CCDC138: variants seen among roughly 807,000 people sequenced by gnomAD.
CCDC138 encodes the protein coiled-coil domain-containing protein 138.
In CCDC138, 66 loss-of-function variants were observed where a neutral mutation model predicts 82.3. That is an observed-to-expected ratio of 0.80 (90% confidence interval 0.66 to 0.98). The LOEUF (loss-of-function observed/expected upper bound fraction) is 0.98. Ranked by LOEUF, CCDC138 falls within the 50% of genes least tolerant of loss-of-function variation. The pLI, the probability that CCDC138 is intolerant of heterozygous loss-of-function variation, is 0.00. For synonymous variants in CCDC138, 297 were observed against 265.4 expected (o/e 1.12, Z -1.16); for missense variants, 816 against 758.9 (o/e 1.08, Z -0.88).
intron 2 of CCDC138, chr2:108,882,812 G>T (rs1696328506): frequency 6.6e-6 from 1 of 152,156 alleles, no homozygotes; most frequent in Non-Finnish European, 1.5e-5. Context: ...GAGAGTGTCA[G>T]TCTTCCCTAG....
Position 108,846,750 on chromosome 2 carries a change from A to T in CCDC138, c.1336A>T (p.Thr446Ser). 6.2e-7 allele frequency: 1 copy of T among 1,608,866 alleles called. No individual in the cohort carries two copies. Among genetic ancestry groups the T allele is most frequent in the Non-Finnish European group, 8.5e-7 (1 of 1,177,920 alleles). The part of the protein sequence containing the change: ...LDAGAQHSTM[T>S]STLRRLGEDI... ...ATATTTTTAACAGCACTCGACTATG[A>T]CATCAACATTGAGGAGATTGGGTGA... Residue 446 changes from threonine to serine, a missense_variant, in exon 12 of 15, where the codon ACA (threonine) becomes TCA (serine). Transcript: ENST00000295124.
chr2:108,819,905 A>G (rs1376517778), intron 10 of CCDC138, among the ~76,000 whole-genome samples: 1 of 152,232 alleles, frequency 6.6e-6, no homozygotes, highest in Admixed American at 6.5e-5. Context: ...TGTAACCGAT[A>G]ATTTAAAAAT....
At chr2:108,813,049 AC>A in intron 9 of CCDC138, 122 bp downstream of exon 9, 1 of 707,368 alleles carries the variant, frequency 1.4e-6, no homozygotes, top group Non-Finnish European at 2.3e-6. Context: ...GGAGATCGAG[AC>A]CATCCTGGCC....
intron 10 of CCDC138, among the ~76,000 whole-genome samples, chr2:108,821,115 T>C (rs1685620203): frequency 6.6e-6 from 1 of 152,190 alleles, no homozygotes; most frequent in Admixed American, 6.5e-5. Flanking sequence ...CCTAGCACTT[T>C]AGGAGGCTAA....
At chr2:108,856,265 A>G (rs941889184) in intron 12 of CCDC138, among the ~76,000 whole-genome samples, 1 of 149,594 alleles carries the variant, frequency 6.7e-6, no homozygotes, top group Non-Finnish European at 1.5e-5. Context: ...ATGTATCATG[A>G]AAACTGACAC....
At chr2:108,841,798 T>G (rs1402464996) in intron 11 of CCDC138, among the ~76,000 whole-genome samples, 1 of 152,134 alleles carries the variant, frequency 6.6e-6, no homozygotes, top group African/African-American at 2.4e-5. Context: ...GTGGTTCTTT[T>G]TGTTTCTCTT....
chr2:108,828,069 A>G (rs1019035135), intron 10 of CCDC138, among the ~76,000 whole-genome samples: 3 of 152,150 alleles, frequency 2.0e-5, no homozygotes, highest in African/African-American at 7.2e-5. Context: ...AAATCAATGG[A>G]GGAAAATAGG....
intron 7 of CCDC138, among the ~76,000 whole-genome samples, chr2:108,808,363 T>C (rs1372700770): frequency 6.6e-6 from 1 of 152,220 alleles, no homozygotes; most frequent in East Asian, 1.9e-4. Context: ...TTCTCTCCTG[T>C]GAATATATAC....
At chr2:108,829,471 CAT>C (rs1315303006) in intron 10 of CCDC138, among the ~76,000 whole-genome samples, 4 of 152,184 alleles carry the variant, frequency 2.6e-5, no homozygotes, top group Admixed American at 6.5e-5. Context: ...AAAAAATAAA[CAT>C]GGTGGCCCAT....
Position 108,805,076 on chromosome 2 carries a change from T to C in CCDC138, c.855+68T>C, listed in dbSNP as rs1682638847. The C allele has an allele frequency of 3.4e-6, 3 of 883,946 alleles. No individual in the cohort carries two copies. The East Asian group carries it at 9.9e-5, about 29-fold the overall frequency. 54.8% of individuals were successfully genotyped at this position (883,946 alleles called of 1,614,324 possible). A position where few individuals can be genotyped will look rare whatever the true frequency, so the allele number is the denominator to read the frequency against. On this transcript the variant is annotated intron_variant, in intron 7 of 14. Coordinates refer to ENST00000295124, the MANE Select transcript of CCDC138 (RefSeq NM_144978.3). ...GAAGTATATTTTATATATAACAAAT[T>C]AAAGTCAGCCTTAGAACACGTTTCA...
intron 9 of CCDC138, among the ~76,000 whole-genome samples, chr2:108,814,324 G>A (rs1007204659): frequency 4.3e-4 from 65 of 152,206 alleles, no homozygotes; most frequent in African/African-American, 1.5e-3. Context: ...GTGTGTAGTA[G>A]TATCTTATTA....
At chr2:108,813,172 C>G (rs1684180888) in intron 9 of CCDC138, among the ~76,000 whole-genome samples, 1 of 127,560 alleles carries the variant, frequency 7.8e-6, no homozygotes, top group Non-Finnish European at 1.6e-5. Context: ...TTGCTGGAAC[C>G]TGGGAGGCGG....
chr2:108,841,550 A>G (rs1689484942), intron 11 of CCDC138, among the ~76,000 whole-genome samples: 1 of 152,076 alleles, frequency 6.6e-6, no homozygotes, highest in African/African-American at 2.4e-5. Flanking sequence ...TCTGATACTA[A>G]TATAGAGACT....
At chr2:108,844,748 A>ATT (rs558837577) in intron 11 of CCDC138, among the ~76,000 whole-genome samples, 3,256 of 136,704 alleles carry the variant, frequency 0.024, 128 homozygotes, top group African/African-American at 0.083. Flanking sequence ...TACTATCCAC[A>ATT]TTTTTTTTTT....
At chr2:108,843,190 C>T (rs954588017) in intron 11 of CCDC138, among the ~76,000 whole-genome samples, 8 of 152,052 alleles carry the variant, frequency 5.3e-5, no homozygotes, top group Non-Finnish European at 1.2e-4. Context: ...CAGGGTCTCA[C>T]TCTGCTGCCC....
chr2:108,815,590 C>T (rs891099936), intron 9 of CCDC138, among the ~76,000 whole-genome samples: 10 of 150,894 alleles, frequency 6.6e-5, no homozygotes, highest in African/African-American at 2.2e-4. Context: ...CTCAGCCTTC[C>T]GAGTAGCTGG....
At chr2:108,803,951 A>G (rs1682417789) in intron 6 of CCDC138, among the ~76,000 whole-genome samples, 1 of 152,174 alleles carries the variant, frequency 6.6e-6, no homozygotes, top group Admixed American at 6.5e-5. Flanking sequence ...ACTATATCCT[A>G]AGTTATTTAA....
chr2:108,872,807 C>T (rs1231025141), intron 13 of CCDC138, among the ~76,000 whole-genome samples: 3 of 152,186 alleles, frequency 2.0e-5, no homozygotes, highest in African/African-American at 4.8e-5. Context: ...ATTCAAACTA[C>T]AGCATTCTGC....
rs760898702 is a variant in CCDC138, at chr2:108,786,845, C to T, written c.23C>T (p.Pro8Leu). 4 of 1,592,716 alleles carry T rather than the reference C, an allele frequency of 2.5e-6. No individual in the cohort carries two copies. The highest frequency in any genetic ancestry group is 2.3e-5 in the South Asian group (2 of 87,496). MEPRVVK[P>L]PGQDLVVESL... is the part of the protein sequence containing the mutation. ...GCTATGGAGCCGAGGGTCGTCAAGC[C>T]ACCGGGGCAGGATTTAGTAGTGGAG... Residue 8 changes from proline to leucine, a missense_variant, in exon 1 of 15, where the codon CCA becomes CTA. Transcript: ENST00000295124.
Sources: allele counts gnomAD v4.1 joint callset (sites outside exome capture counted in the v4.1 genomes callset), GRCh38; gene constraint gnomAD v4.1.1; transcripts MANE v1.5; gene names NCBI Gene and HGNC (gene_info 2026-07-23, HGNC 2026-07-21).